The following SRRM4 variants were observed in gnomAD, a reference collection of about 807,000 sequenced individuals.
The protein encoded by SRRM4 is serine/arginine repetitive matrix 4, also known as serine/arginine repetitive matrix protein 4.
Under a neutral mutation model 68.9 loss-of-function variants are expected in SRRM4, and 33 were observed. The observed-to-expected ratio is 0.48, with a 90% CI of 0.36 to 0.64. The LOEUF is 0.64. Among genes scored for constraint, SRRM4 ranks in the 30% least tolerant of loss-of-function variants. SRRM4 has a pLI of 0.00. For missense variants in SRRM4, 817 were observed against 827.1 expected (o/e 0.99, Z 0.15); for synonymous variants, 318 against 318.8 (o/e 1.00, Z 0.03).
rs1592887525 is a variant in SRRM4 at position 119,074,146 on chromosome 12, C to T, written c.132-28090C>T. ...GAAAATCTCCTGCTTAGGCTTAATA[C>T]TCTTTCTTATCTTCCCTTCCTCTGA... On this transcript the variant is annotated intron_variant, in intron 1 of 12. Coordinates refer to ENST00000267260, the MANE Select transcript of SRRM4 (RefSeq NM_194286.4). 2.0e-5 allele frequency among the ~76,000 whole-genome samples: 3 copies of T among 152,210 alleles called. No individual in the cohort carries two copies. In the East Asian group the frequency reaches 5.8e-4, roughly 29 times the overall value.
intron 8 of SRRM4, among the ~76,000 whole-genome samples, chr12:119,137,209 A>G (rs898406321): frequency 6.6e-6 from 1 of 152,110 alleles, no homozygotes; most frequent in African/African-American, 2.4e-5. Context: ...GGAAGAAAAA[A>G]AAATGTATAG....
intron 1 of SRRM4, among the ~76,000 whole-genome samples, chr12:119,061,398 C>T (rs762137214): frequency 2.9e-4 from 44 of 152,156 alleles, no homozygotes; most frequent in Non-Finnish European, 5.3e-4. Flanking sequence ...AGCCTGACGG[C>T]GGTTCAGCAC....
chr12:118,985,973 G>A (rs901038796), intron 1 of SRRM4, among the ~76,000 whole-genome samples: 1 of 152,156 alleles, frequency 6.6e-6, no homozygotes, highest in Non-Finnish European at 1.5e-5. Context: ...AATTCTTTTA[G>A]CAAGCTATTA....
chr12:119,005,882 T>G (rs1460472139), intron 1 of SRRM4, among the ~76,000 whole-genome samples: 2 of 152,182 alleles, frequency 1.3e-5, no homozygotes, highest in African/African-American at 4.8e-5. Context: ...TGATTTCCTT[T>G]TTGACTGTTC....
chr12:119,127,928 G>A (rs1049758085), intron 7 of SRRM4, among the ~76,000 whole-genome samples: 5 of 151,916 alleles, frequency 3.3e-5, no homozygotes, highest in South Asian at 4.2e-4. Context: ...TGTCTACTTC[G>A]GCTGCCCTTT....
intron 8 of SRRM4, among the ~76,000 whole-genome samples, chr12:119,133,746 A>T (rs1954311446): frequency 6.6e-6 from 1 of 152,218 alleles, no homozygotes; most frequent in South Asian, 2.1e-4. Flanking sequence ...ATTTAAGTCT[A>T]CAAACACCTA....
At chr12:119,063,721 A>G (rs1033480377) in intron 1 of SRRM4, among the ~76,000 whole-genome samples, 6 of 152,250 alleles carry the variant, frequency 3.9e-5, no homozygotes, top group African/African-American at 1.4e-4. Flanking sequence ...TCTGGGAAAT[A>G]TTATGAGTAA....
At chr12:119,003,431 C>T (rs549056095) in intron 1 of SRRM4, among the ~76,000 whole-genome samples, 4 of 151,814 alleles carry the variant, frequency 2.6e-5, no homozygotes, top group Non-Finnish European at 4.4e-5. Flanking sequence ...TCAGCAACTG[C>T]GTAGATTGCT....
At chr12:119,152,311 G>C (rs1954445125) in intron 10 of SRRM4, among the ~76,000 whole-genome samples, 1 of 152,096 alleles carries the variant, frequency 6.6e-6, no homozygotes, top group African/African-American at 2.4e-5. Context: ...ATGATAGAGT[G>C]ACATAAATAG....
chr12:119,159,621 C>A lies in SRRM4; in HGVS notation c.*2823C>A, dbSNP rs1402031765. ...ATTGAGCTGACTGAGGGAAGATGCA[C>A]CTTGATCTCACCCTCACTCCAAGGC... On this transcript the variant is annotated 3_prime_UTR_variant, in exon 13 of 13. Coordinates refer to ENST00000267260, the MANE Select transcript of SRRM4 (RefSeq NM_194286.4). 1.3e-5 allele frequency: 2 copies of A among 152,174 alleles called. No individual in the cohort carries two copies. Among genetic ancestry groups the A allele is most frequent in the African/African-American group, 4.8e-5 (2 of 41,434 alleles). The allele number at this position is 152,174 out of a possible 1,614,324, so 9.4% of individuals were successfully genotyped here.
intron 1 of SRRM4, among the ~76,000 whole-genome samples, chr12:119,011,942 T>C (rs1343006372): frequency 6.6e-6 from 1 of 152,182 alleles, no homozygotes; most frequent in African/African-American, 2.4e-5. Flanking sequence ...GATGGTAGTG[T>C]CCACCTCATA....
intron 1 of SRRM4, among the ~76,000 whole-genome samples, chr12:119,012,060 G>A (rs751123219): frequency 6.6e-6 from 1 of 152,188 alleles, no homozygotes; most frequent in African/African-American, 2.4e-5. Flanking sequence ...TGGTGACAAT[G>A]TTTGTAAATT....
At chr12:119,084,040 C>T (rs907462659) in intron 1 of SRRM4, among the ~76,000 whole-genome samples, 4 of 152,264 alleles carry the variant, frequency 2.6e-5, no homozygotes, top group South Asian at 2.1e-4. Flanking sequence ...ATCCTCACTA[C>T]GGCCCTACAC....
At chr12:119,100,912 C>T (rs1954074504) in intron 1 of SRRM4, among the ~76,000 whole-genome samples, 1 of 152,038 alleles carries the variant, frequency 6.6e-6, no homozygotes, top group South Asian at 2.1e-4. Context: ...GCTGAGAAGC[C>T]CTAATTAGAA....
intron 9 of SRRM4, 44 bp downstream of exon 9, chr12:119,145,729 T>C: frequency 7.0e-7 from 1 of 1,423,760 alleles, no homozygotes; most frequent in Non-Finnish European, 9.2e-7. Flanking sequence ...TCTCCCACCT[T>C]AGCTCCACCT....
At chr12:119,125,632 G>A (rs1211123726) in intron 7 of SRRM4, among the ~76,000 whole-genome samples, 153 bp downstream of exon 7, 1 of 152,184 alleles carries the variant, frequency 6.6e-6, no homozygotes, top group Non-Finnish European at 1.5e-5. Context: ...TAGAGAAAGG[G>A]CTGGAGAGCC....
At chr12:119,052,260 A>G (rs1953747705) in intron 1 of SRRM4, among the ~76,000 whole-genome samples, 1 of 152,124 alleles carries the variant, frequency 6.6e-6, no homozygotes, top group South Asian at 2.1e-4. Context: ...TGTAGCAGTG[A>G]TGGGTGCTGG....
chr12:118,997,954 C>T (rs547286763), intron 1 of SRRM4, among the ~76,000 whole-genome samples: 1 of 152,178 alleles, frequency 6.6e-6, no homozygotes, highest in Admixed American at 6.5e-5. Context: ...TTTTTAACTA[C>T]CACGTCCTAC....
chr12:119,127,320 T>A (rs1320516812), intron 7 of SRRM4, among the ~76,000 whole-genome samples: 1 of 152,182 alleles, frequency 6.6e-6, no homozygotes, highest in Non-Finnish European at 1.5e-5. Flanking sequence ...GAGCTGCTTT[T>A]TTCTTTCTGA....
Sources: allele counts gnomAD v4.1 joint callset (sites outside exome capture counted in the v4.1 genomes callset), GRCh38; gene constraint gnomAD v4.1.1; transcripts MANE v1.5; gene names NCBI Gene and HGNC (gene_info 2026-07-23, HGNC 2026-07-21).